L3MBTL4: variants seen among roughly 807,000 people sequenced by gnomAD.
L3MBTL4 encodes L3MBTL histone methyl-lysine binding protein 4, also known as lethal(3)malignant brain tumor-like protein 4.
Under a neutral mutation model 84.5 loss-of-function variants are expected in L3MBTL4, and 70 were observed. The observed-to-expected ratio is 0.83, with a 90% CI of 0.68 to 1.01. L3MBTL4 has a LOEUF of 1.01. L3MBTL4 is among the 50% of genes least tolerant of loss of function. L3MBTL4 has a pLI of 0.00. For missense variants in L3MBTL4, 715 were observed against 754.8 expected, an observed-to-expected ratio of 0.95 and a Z score of 0.62; for synonymous variants, 274 against 259.8, an observed-to-expected ratio of 1.05 and a Z score of -0.52.
chr18:6,302,767 G>A (rs1379694300), intron 3 of L3MBTL4, among the ~76,000 whole-genome samples: 26 of 152,246 alleles, frequency 1.7e-4, no homozygotes, highest in Middle Eastern at 3.4e-3. Context: ...GGTGGATCAC[G>A]AGGAAAGGAG....
chr18:6,399,754 G>A (rs1014190135), intron 1 of L3MBTL4: 2 of 152,108 alleles, frequency 1.3e-5, no homozygotes, highest in Non-Finnish European at 2.9e-5. Context: ...ACCCTTCATG[G>A]TCTCTATATG....
At chr18:6,337,263 C>A (rs569597136) in intron 1 of L3MBTL4, among the ~76,000 whole-genome samples, 1 of 152,142 alleles carries the variant, frequency 6.6e-6, no homozygotes, top group Admixed American at 6.5e-5. Flanking sequence ...GAGAAAAACA[C>A]CAAACAATAG....
chr18:6,018,283 TA>T (rs2055092383), intron 16 of L3MBTL4, among the ~76,000 whole-genome samples: 1 of 152,046 alleles, frequency 6.6e-6, no homozygotes, highest in Admixed American at 6.5e-5. Flanking sequence ...AAATCACCCC[TA>T]AAAGTGAAAA....
chr18:6,253,166 C>A (rs1188151432), intron 5 of L3MBTL4, among the ~76,000 whole-genome samples: 1 of 152,170 alleles, frequency 6.6e-6, no homozygotes, highest in East Asian at 1.9e-4. Flanking sequence ...CACACCACTG[C>A]ACTCCAGCCT....
At chr18:6,086,695 C>T (rs1308715655) in intron 15 of L3MBTL4, among the ~76,000 whole-genome samples, 1 of 152,142 alleles carries the variant, frequency 6.6e-6, no homozygotes, top group Non-Finnish European at 1.5e-5. Flanking sequence ...TAGGTGATTA[C>T]TGAAAACATT....
intron 16 of L3MBTL4, among the ~76,000 whole-genome samples, chr18:5,972,265 A>G (rs2052674447): frequency 6.6e-6 from 1 of 152,326 alleles, no homozygotes; most frequent in Admixed American, 6.5e-5. Flanking sequence ...TACCATATCA[A>G]TTATACATCA....
At chr18:5,964,814 C>T (rs918375414) in intron 17 of L3MBTL4, among the ~76,000 whole-genome samples, 1 of 152,198 alleles carries the variant, frequency 6.6e-6, no homozygotes, top group Non-Finnish European at 1.5e-5. Flanking sequence ...TGTGCCTACA[C>T]ATATATACCT....
chr18:6,181,246 T>C (rs1366350145), intron 12 of L3MBTL4, among the ~76,000 whole-genome samples: 5 of 152,116 alleles, frequency 3.3e-5, no homozygotes, highest in Admixed American at 3.3e-4. Context: ...ACAGGTCAAT[T>C]ACATGTCACA....
chr18:6,205,483 A>G (rs1389181503), intron 12 of L3MBTL4, among the ~76,000 whole-genome samples: 1 of 152,228 alleles, frequency 6.6e-6, no homozygotes, highest in Non-Finnish European at 1.5e-5. Context: ...ATAGGTATAC[A>G]TGTGCCATGG....
At chr18:6,162,592 G>A (rs2043396521) in intron 13 of L3MBTL4, among the ~76,000 whole-genome samples, 1 of 152,160 alleles carries the variant, frequency 6.6e-6, no homozygotes, top group South Asian at 2.1e-4. Context: ...TGAATTATAT[G>A]AGTAAATAAG....
Position 5,959,021 on chromosome 18 carries a change from G to A in L3MBTL4, c.1677+1073C>T, listed in dbSNP as rs571258996. Among the ~76,000 whole-genome samples the A allele has an allele frequency of 7.2e-5, 11 of 152,268 alleles. No homozygotes were observed. In the East Asian group the frequency reaches 9.7e-4, roughly 13 times the overall value. ...ATGCTGAGCTCAGGCAGAGCCAGGC[G>A]AACCCCACAGGTAGCAGCTACCCAG... On this transcript the variant is annotated intron_variant, in intron 18 of 18. Coordinates refer to ENST00000317931, the MANE Select transcript of L3MBTL4 (RefSeq NM_001330559.2).
chr18:6,071,761 A>AAAGAAAGAAAGAAAG (rs1555645499), intron 16 of L3MBTL4, among the ~76,000 whole-genome samples: 2 of 92,154 alleles, frequency 2.2e-5, no homozygotes, highest in African/African-American at 4.2e-5. Context: ...AAGAAAGAAA[A>AAAGAAAGAAAGAAAG]AAAGAAAGAA....
At chr18:6,302,076 A>G in intron 3 of L3MBTL4, 119 bp from the exon 4 acceptor site, 1 of 851,106 alleles carries the variant, frequency 1.2e-6, no homozygotes, top group Admixed American at 1.7e-5. Flanking sequence ...TGAGGCGGAC[A>G]ACGCACACAA....
At chr18:6,159,550 G>A (rs1361843755) in intron 13 of L3MBTL4, among the ~76,000 whole-genome samples, 1 of 152,134 alleles carries the variant, frequency 6.6e-6, no homozygotes, top group Non-Finnish European at 1.5e-5. Flanking sequence ...CAAGCTGAGC[G>A]AGCAGCTTTG....
intron 4 of L3MBTL4, among the ~76,000 whole-genome samples, chr18:6,300,005 A>G (rs1171407539): frequency 2.0e-5 from 3 of 152,172 alleles, no homozygotes; most frequent in Admixed American, 1.3e-4. Flanking sequence ...TCACATATAA[A>G]TATACTATGT....
chr18:6,306,779 C>T lies in L3MBTL4; in HGVS notation c.72+4775G>A, dbSNP rs573077919. Among the ~76,000 whole-genome samples the T allele has an allele frequency of 3.3e-5, 5 of 152,270 alleles. No individual in the cohort carries two copies. In the South Asian group the frequency reaches 1.0e-3, roughly 32 times the overall value. ...CCTTATACTTACTGAAATGGAAAGA[C>T]CCATAAAGTTCTTGCAATCTAAGAC... On this transcript the variant is annotated intron_variant, in intron 3 of 18. Coordinates refer to ENST00000317931, the MANE Select transcript of L3MBTL4 (RefSeq NM_001330559.2).
intron 13 of L3MBTL4, among the ~76,000 whole-genome samples, chr18:6,149,048 T>A (rs1010156282): frequency 2.6e-4 from 40 of 152,120 alleles, no homozygotes; most frequent in Non-Finnish European, 4.4e-4. Context: ...TTTTTAAAAA[T>A]TTTTTTATTA....
chr18:5,975,286 C>A (rs781734100), intron 16 of L3MBTL4, among the ~76,000 whole-genome samples: 4 of 152,156 alleles, frequency 2.6e-5, no homozygotes, highest in African/African-American at 7.2e-5. Context: ...TCACAAGTAA[C>A]CTTCTCTTCA....
intron 16 of L3MBTL4, among the ~76,000 whole-genome samples, chr18:6,043,633 T>C (rs1322458510): frequency 1.3e-5 from 2 of 152,208 alleles, no homozygotes; most frequent in African/African-American, 4.8e-5. Context: ...TTCAATACGG[T>C]CAATCGATTA....
Sources: gnomAD v4.1 joint callset for allele counts (sites outside exome capture counted in the v4.1 genomes callset) on GRCh38, gnomAD v4.1.1 for gene constraint, MANE v1.5 for transcripts, NCBI Gene and HGNC (gene_info 2026-07-23, HGNC 2026-07-21) for gene names.